The following AP1S3 variants were observed in gnomAD, a reference collection of about 807,000 sequenced individuals.
The protein encoded by AP1S3 is AP-1 complex subunit sigma-3.
AP1S3 carries 10 observed loss-of-function variants against 20.9 expected under a neutral mutation model. The ratio of observed to expected loss-of-function variants is 0.48; its 90% CI spans 0.29 to 0.81. The LOEUF (loss-of-function observed/expected upper bound fraction) is 0.81. Ranked by LOEUF, AP1S3 falls within the 30% of genes least tolerant of loss-of-function variation. The pLI is 0.08. For synonymous variants in AP1S3, 41 were observed against 61.5 expected (o/e 0.67, Z 1.56); for missense variants, 154 against 183.8 (o/e 0.84, Z 0.94).
intron 2 of AP1S3, among the ~76,000 whole-genome samples, chr2:223,777,336 AG>A (rs1690807572): frequency 6.6e-6 from 1 of 152,210 alleles, no homozygotes; most frequent in African/African-American, 2.4e-5. Flanking sequence ...TGGAAGTTGC[AG>A]TGAGCCAAGA....
intron 1 of AP1S3, among the ~76,000 whole-genome samples, chr2:223,834,254 T>C (rs1692345848): frequency 6.6e-6 from 1 of 152,116 alleles, no homozygotes; most frequent in Admixed American, 6.6e-5. Context: ...TATTTTAAAA[T>C]AATACGACTT....
chr2:223,784,617 C>T (rs72966387), intron 1 of AP1S3, among the ~76,000 whole-genome samples: 13,311 of 152,206 alleles, frequency 0.087, 884 homozygotes, highest in East Asian at 0.24. Flanking sequence ...CACCCCCAGA[C>T]CTCCAACTCT....
chr2:223,784,448 C>G (rs967028167), intron 1 of AP1S3, among the ~76,000 whole-genome samples: 1 of 152,044 alleles, frequency 6.6e-6, no homozygotes, highest in African/African-American at 2.4e-5. Flanking sequence ...CATCAGAGAG[C>G]ACAACACTTC....
chr2:223,827,719 C>A lies in AP1S3; in HGVS notation c.3+9729G>T, dbSNP rs1318124481. Reference sequence around the variant, plus strand: ...TTATTTCATCAGTTTAAATAAATTTCTCAGAGGAAAAAAAAAAATCTAAAG... The same window carrying A: ...TTATTTCATCAGTTTAAATAAATTTATCAGAGGAAAAAAAAAAATCTAAAG... On this transcript the variant is annotated intron_variant, in intron 1 of 4. Transcript: ENST00000396654. 2.0e-5 allele frequency among the ~76,000 whole-genome samples: 3 copies of A among 150,904 alleles called. No individual in the cohort carries two copies. In the East Asian group the frequency reaches 5.9e-4, roughly 30 times the overall value.
chr2:223,825,642 A>G (rs1268064720), intron 1 of AP1S3, among the ~76,000 whole-genome samples: 2 of 152,196 alleles, frequency 1.3e-5, no homozygotes, highest in Non-Finnish European at 2.9e-5. Context: ...GCCCAAAAAC[A>G]TGACAAGTAT....
Position 223,765,367 on chromosome 2 carries a change from A to C in AP1S3, c.292-17T>G, listed in dbSNP as rs1441687996. On this transcript the variant is annotated splice_polypyrimidine_tract_variant and intron_variant, in intron 3 of 4. Coordinates refer to ENST00000396654, the MANE Select transcript of AP1S3 (RefSeq NM_001039569.2). ...CTCACAGACCTGGTGGGACAAAAAC[A>C]AACGTTTTGATAAACTTGCAGTTGT... 2 of 1,592,278 alleles carry C rather than the reference A, an allele frequency of 1.3e-6. No homozygotes were observed. The highest frequency in any genetic ancestry group is 2.3e-5 in the East Asian group (1 of 44,376).
At chr2:223,789,668 C>G (rs544045333) in intron 1 of AP1S3, among the ~76,000 whole-genome samples, 31 of 141,846 alleles carry the variant, frequency 2.2e-4, no homozygotes, top group Non-Finnish European at 3.9e-4. Flanking sequence ...TGACAAAACC[C>G]TGTCTCAAAA....
intron 3 of AP1S3, among the ~76,000 whole-genome samples, chr2:223,771,133 C>T (rs1025184282): frequency 2.0e-5 from 3 of 151,690 alleles, no homozygotes; most frequent in Admixed American, 1.3e-4. Flanking sequence ...GTCAAGAGTT[C>T]GAGACCAGAC....
intron 3 of AP1S3, chr2:223,770,431 T>G (rs1690591667): frequency 3.4e-6 from 5 of 1,487,152 alleles, no homozygotes; most frequent in Non-Finnish European, 4.5e-6. Context: ...ATGGGGCAAT[T>G]AATTTACTGT....
chr2:223,785,979 G>A (rs1036737351), intron 1 of AP1S3, among the ~76,000 whole-genome samples: 4 of 152,228 alleles, frequency 2.6e-5, no homozygotes, highest in African/African-American at 9.6e-5. Flanking sequence ...AGAGGAGTCA[G>A]TATAGGCTCA....
At chr2:223,770,497 T>TACACACACACACACAC (rs58486635) in intron 3 of AP1S3, among the ~76,000 whole-genome samples, 260 of 141,738 alleles carry the variant, frequency 1.8e-3, no homozygotes, top group South Asian at 3.5e-3. Flanking sequence ...AGAGAGACAA[T>TACACACACACACACAC]ACACACACAC....
Position 223,756,742 on chromosome 2 carries a change from T to G in AP1S3, c.*1973A>C, listed in dbSNP as rs1690231515. The G allele has an allele frequency of 1.0e-6, 1 of 985,334 alleles. No individual in the cohort carries two copies. The highest frequency in any genetic ancestry group is 6.2e-5 in the Admixed American group (1 of 16,258). The allele number at this position is 985,334 out of a possible 1,614,324, so 61.0% of individuals were successfully genotyped here. A position where few individuals can be genotyped will look rare whatever the true frequency, so the allele number is the denominator to read the frequency against. ...CCCTTTGTTCTCCTGCTTGCTTTGC[T>G]GTTTTCCCTAAATATGTCTGCTGAG... On this transcript the variant is annotated 3_prime_UTR_variant, in exon 5 of 5. Transcript: ENST00000396654.
chr2:223,784,163 T>C (rs1432196995), intron 1 of AP1S3, among the ~76,000 whole-genome samples: 1 of 152,178 alleles, frequency 6.6e-6, no homozygotes, highest in Non-Finnish European at 1.5e-5. Flanking sequence ...CGTTAAGGTC[T>C]GATGACCAAG....
intron 1 of AP1S3, among the ~76,000 whole-genome samples, chr2:223,796,307 T>C (rs1691335107): frequency 6.6e-6 from 1 of 152,222 alleles, no homozygotes; most frequent in Admixed American, 6.5e-5. Context: ...TACCCCATTA[T>C]TTATTTCACT....
chr2:223,775,906 C>T lies in AP1S3; in HGVS notation c.286G>A (p.Gly96Arg). The T allele has an allele frequency of 2.5e-6, 4 of 1,613,696 alleles. No individual in the cohort carries two copies. Among genetic ancestry groups the T allele is most frequent in the Non-Finnish European group, 3.4e-6 (4 of 1,179,714 alleles). ...CCGACAAGGACAACACTTACATTTC[C>T]AAAATATTTGTCCAGCAGCTCCACG... Reference protein sequence around the residue: ...RYVELLDKYFGNVCELDIIFN... With the variant: ...RYVELLDKYFRNVCELDIIFN... The change falls in exon 3 of 5, where the codon GGA (glycine) becomes AGA (arginine). Residue 96 changes from glycine (G) to arginine (R), a missense_variant. Gly to Arg is a moderately radical substitution (Grantham distance 125). Coordinates refer to ENST00000396654, the MANE Select transcript of AP1S3 (RefSeq NM_001039569.2).
At chr2:223,831,208 G>A (rs886469422) in intron 1 of AP1S3, among the ~76,000 whole-genome samples, 1 of 152,036 alleles carries the variant, frequency 6.6e-6, no homozygotes, top group Non-Finnish European at 1.5e-5. Flanking sequence ...ATGGCTCACT[G>A]CAGCCTTGAC....
At chr2:223,777,950 G>A in intron 1 of AP1S3, 81 bp from the exon 2 acceptor site, 8 of 1,227,284 alleles carry the variant, frequency 6.5e-6, no homozygotes, top group East Asian at 2.4e-5. Context: ...ATTCAATGAT[G>A]GATTTACACA....
At chr2:223,828,292 T>A (rs9751994) in intron 1 of AP1S3, among the ~76,000 whole-genome samples, 65,398 of 138,762 alleles carry the variant, frequency 0.47, 15,432 homozygotes, top group Middle Eastern at 0.56. Context: ...TTCTCCTCTC[T>A]CTCTTTTTTT....
chr2:223,825,269 C>T (rs374375784), intron 1 of AP1S3, among the ~76,000 whole-genome samples: 1 of 150,666 alleles, frequency 6.6e-6, no homozygotes, highest in Non-Finnish European at 1.5e-5. Flanking sequence ...GCTGAGATCG[C>T]GCCACTGCAC....
Sources: allele counts gnomAD v4.1 joint callset (sites outside exome capture counted in the v4.1 genomes callset), GRCh38; gene constraint gnomAD v4.1.1; transcripts MANE v1.5; gene names NCBI Gene and HGNC (gene_info 2026-07-23, HGNC 2026-07-21).